Variants in SPTBN1 observed in about 807,000 individuals in gnomAD.
SPTBN1 encodes spectrin beta chain, non-erythrocytic 1.
A neutral mutation model predicts 266.4 loss-of-function variants in SPTBN1; 32 were observed. The ratio of observed to expected loss-of-function variants is 0.12; its 90% CI spans 0.09 to 0.16. The LOEUF (loss-of-function observed/expected upper bound fraction) is 0.16. Among genes scored for constraint, SPTBN1 ranks in the 10% least tolerant of loss-of-function variants. SPTBN1 has a pLI of 1.00. For synonymous variants in SPTBN1, 1,336 were observed against 1,162.2 expected (o/e 1.15, Z -3.04); for missense variants, 2,296 against 3,067.1 (o/e 0.75, Z 5.94).
At chr2:54,571,522 C>T (rs933736258) in intron 2 of SPTBN1, among the ~76,000 whole-genome samples, 1 of 149,886 alleles carries the variant, frequency 6.7e-6, no homozygotes, top group Non-Finnish European at 1.5e-5. Flanking sequence ...ATGAAGATAC[C>T]TATTACTGTT....
At chr2:54,589,663 A>G (rs1282165768) in intron 2 of SPTBN1, among the ~76,000 whole-genome samples, 1 of 152,242 alleles carries the variant, frequency 6.6e-6, no homozygotes, top group Non-Finnish European at 1.5e-5. Flanking sequence ...ACATGAATTT[A>G]AGGCCTTCAG....
chr2:54,488,829 A>G (rs912049891), intron 1 of SPTBN1, among the ~76,000 whole-genome samples: 3 of 152,226 alleles, frequency 2.0e-5, no homozygotes, highest in Non-Finnish European at 2.9e-5. Context: ...TTAATCTTAC[A>G]AAGGCTCGCT....
At chr2:54,582,708 T>C (rs573538161) in intron 2 of SPTBN1, among the ~76,000 whole-genome samples, 4 of 152,188 alleles carry the variant, frequency 2.6e-5, no homozygotes, top group African/African-American at 9.6e-5. Context: ...TCCATTTAGG[T>C]TGGGGGGAAT....
intron 2 of SPTBN1, among the ~76,000 whole-genome samples, chr2:54,567,908 A>T (rs1475073303): frequency 6.6e-6 from 1 of 152,222 alleles, no homozygotes; most frequent in Non-Finnish European, 1.5e-5. Flanking sequence ...TAGAAACGAC[A>T]TAACCTCCTA....
At chr2:54,566,657 C>G (rs978734790) in intron 2 of SPTBN1, among the ~76,000 whole-genome samples, 36 of 151,896 alleles carry the variant, frequency 2.4e-4, no homozygotes, top group African/African-American at 7.7e-4. Flanking sequence ...GTGGTGAAAC[C>G]CTGTCTCTAA....
In SPTBN1 at chr2:54,628,691, A is replaced by G. The variant is rs1678518034; in HGVS notation, c.1799-242A>G. Among the ~76,000 whole-genome samples the G allele has an allele frequency of 1.3e-5, 2 of 152,196 alleles. No individual in the cohort carries two copies. The highest frequency in any genetic ancestry group is 2.9e-5 in the Non-Finnish European group (2 of 68,032). The stretch of plus-strand genomic sequence containing the variant: ...TCATATGATTCAAGTGCTTTCTTGC[A>G]GGAGGATGATCACTTTGTCTGCGGT... On this transcript the variant is annotated intron_variant, in intron 13 of 35. Coordinates refer to ENST00000356805, the MANE Select transcript of SPTBN1 (RefSeq NM_003128.3). The surrounding 1 kb of genome is among the most constrained non-coding windows in gnomAD (Gnocchi z 4.3).
chr2:54,532,397 C>G (rs897548643), intron 2 of SPTBN1, among the ~76,000 whole-genome samples: 1 of 152,148 alleles, frequency 6.6e-6, no homozygotes, highest in African/African-American at 2.4e-5. Context: ...ACATGCAATC[C>G]TCATGAAAAG....
intron 2 of SPTBN1, among the ~76,000 whole-genome samples, chr2:54,586,813 A>G (rs1239476004): frequency 1.3e-5 from 2 of 152,178 alleles, no homozygotes; most frequent in African/African-American, 4.8e-5. Context: ...AACGGCTGGA[A>G]TTGGTACTGT....
intron 15 of SPTBN1, 45 bp from the exon 16 acceptor site, chr2:54,630,810 C>G: frequency 6.6e-7 from 1 of 1,520,952 alleles, no homozygotes; most frequent in Non-Finnish European, 8.8e-7. Flanking sequence ...CAGCCATGGT[C>G]AGTCTTCCCT....
rs574796495 is a variant in SPTBN1, at chr2:54,616,194, T to C, written c.475-13T>C. The C allele has an allele frequency of 1.2e-6, 2 of 1,611,448 alleles. No homozygotes were observed. Among genetic ancestry groups the C allele is most frequent in the Non-Finnish European group, 1.7e-6 (2 of 1,177,868 alleles). On this transcript the variant is annotated splice_polypyrimidine_tract_variant and intron_variant, in intron 4 of 35. Transcript: ENST00000356805. ...ACCCATCTATTTGTCTAATATTTCT[T>C]TGTAAATCTTAGATCCAGGATATCA...
At chr2:54,530,686 T>G (rs1338351328) in intron 2 of SPTBN1, among the ~76,000 whole-genome samples, 1 of 152,140 alleles carries the variant, frequency 6.6e-6, no homozygotes, top group Admixed American at 6.6e-5. Context: ...AACTTTTACT[T>G]TACGTGTCTT....
In SPTBN1 at chr2:54,669,433, A is replaced by G. The variant is rs756055244; in HGVS notation, c.*864A>G. ...TCGTGCGTTGCCACACTGTGTTATAATTTGCTTCATTTCCTTGCTATTTGA... is the reference window on the plus strand; with the variant it reads ...TCGTGCGTTGCCACACTGTGTTATAGTTTGCTTCATTTCCTTGCTATTTGA... On this transcript the variant is annotated 3_prime_UTR_variant, in exon 36 of 36. Coordinates refer to ENST00000356805, the MANE Select transcript of SPTBN1 (RefSeq NM_003128.3). 4 of 152,614 alleles carry G rather than the reference A, an allele frequency of 2.6e-5. No homozygotes were observed. Among genetic ancestry groups the G allele is most frequent in the Non-Finnish European group, 5.9e-5 (4 of 68,030 alleles). 9.5% of individuals were successfully genotyped at this position (152,614 alleles called of 1,614,324 possible). A position where few individuals can be genotyped will look rare whatever the true frequency, so the allele number is the denominator to read the frequency against.
intron 2 of SPTBN1, chr2:54,529,467 G>A (rs898222398): frequency 7.0e-6 from 5 of 713,412 alleles, no homozygotes; most frequent in African/African-American, 5.2e-5. Context: ...AAGAAGATCC[G>A]CATGTCACCC....
intron 18 of SPTBN1, among the ~76,000 whole-genome samples, chr2:54,639,171 T>G (rs1383878737): frequency 2.6e-5 from 4 of 152,244 alleles, no homozygotes; most frequent in African/African-American, 9.6e-5. Flanking sequence ...TACAGAGGCA[T>G]TCATGTGCCA....
rs1196007394 is a variant in SPTBN1 at position 54,662,336 on chromosome 2, C to T, written c.6421-2117C>T. 3.0e-6 allele frequency: 3 copies of T among 983,698 alleles called. No individual in the cohort carries two copies. The East Asian group carries it at 3.4e-4, about 112-fold the overall frequency. The allele number at this position is 983,698 out of a possible 1,614,324, so 60.9% of individuals were successfully genotyped here. A position where few individuals can be genotyped will look rare whatever the true frequency, so the allele number is the denominator to read the frequency against. On this transcript the variant is annotated intron_variant, in intron 32 of 35. Coordinates refer to ENST00000356805, the MANE Select transcript of SPTBN1 (RefSeq NM_003128.3). ...TTCCTTGTTTTCTTGGTTAGTGATTCATTTGCATAAACATTAATGATCTCT... is the reference window on the plus strand; with the variant it reads ...TTCCTTGTTTTCTTGGTTAGTGATTTATTTGCATAAACATTAATGATCTCT...
At position 54,524,398 on chromosome 2, in the gene SPTBN1, C is replaced by T. The variant is rs144110988; in HGVS notation, c.-47-1974C>T. 4.0e-3 allele frequency among the ~76,000 whole-genome samples: 612 copies of T among 152,174 alleles called. 6 individuals are homozygous for T. Among genetic ancestry groups the T allele is most frequent in the Middle Eastern group, 0.027 (8 of 294 alleles). ...GAATTTAACCACATTTAACCACACC[C>T]ATAGGCATCAGGCATAGCACTAGCT... On this transcript the variant is annotated intron_variant, in intron 1 of 35. Coordinates refer to ENST00000356805, the MANE Select transcript of SPTBN1 (RefSeq NM_003128.3).
chr2:54,636,333 G>T (rs1436191372), intron 17 of SPTBN1, among the ~76,000 whole-genome samples: 1 of 152,062 alleles, frequency 6.6e-6, no homozygotes, highest in Non-Finnish European at 1.5e-5. Context: ...TACAATAATT[G>T]TATGTAATAC....
At chr2:54,594,381 G>A (rs11898033) in intron 2 of SPTBN1, among the ~76,000 whole-genome samples, 51,407 of 151,784 alleles carry the variant, frequency 0.34, 11,359 homozygotes, top group African/African-American at 0.64. Flanking sequence ...TATAGCAGCT[G>A]TTTACACAAT....
intron 2 of SPTBN1, among the ~76,000 whole-genome samples, chr2:54,577,080 G>A (rs1674538351): frequency 6.6e-6 from 1 of 152,034 alleles, no homozygotes; most frequent in Non-Finnish European, 1.5e-5. Flanking sequence ...CATTTCATTT[G>A]TTAATGCTTA....
Sources: gnomAD v4.1 joint callset for allele counts (sites outside exome capture counted in the v4.1 genomes callset) on GRCh38, gnomAD v4.1.1 for gene constraint, Gnocchi (gnomAD v3.1) non-coding constraint, MANE v1.5 for transcripts, NCBI Gene and HGNC (gene_info 2026-07-23, HGNC 2026-07-21) for gene names.